ZFHX3: variants seen among roughly 807,000 people sequenced by gnomAD.
ZFHX3 encodes zinc finger homeobox protein 3.
ZFHX3 carries 42 observed loss-of-function variants against 279.1 expected under a neutral mutation model. The observed-to-expected ratio is 0.15, with a 90% CI of 0.12 to 0.19. The LOEUF is 0.19. ZFHX3 is among the 10% of genes least tolerant of loss of function. ZFHX3 has a pLI of 1.00. For synonymous variants in ZFHX3, 2,293 were observed against 1,957.8 expected (o/e 1.17, Z -4.52); for missense variants, 4,981 against 4,754.0 (o/e 1.05, Z -1.40).
intron 2 of ZFHX3, among the ~76,000 whole-genome samples, chr16:73,541,779 T>G (rs1597375180): frequency 7.3e-6 from 1 of 136,852 alleles, no homozygotes; most frequent in Non-Finnish European, 1.6e-5. Context: ...TCCTGTTTGG[T>G]GGTTCTCTTT....
At position 72,793,937 on chromosome 16, in the gene ZFHX3, A is replaced by G. The variant is rs755989988; in HGVS notation, c.8745T>C (p.Ser2915=). 4 of 1,614,188 alleles carry G rather than the reference A, an allele frequency of 2.5e-6. No homozygotes were observed. The highest frequency in any genetic ancestry group is 3.4e-6 in the Non-Finnish European group (4 of 1,180,040). ...EYDNEGTVDY[S]ETSSLADPCS... ...AGGGATCTGCAAGGCTTGAGGTTTC[A>G]CTGTAGTCCACTGTACCTTCATTGT... The change falls in exon 9 of 10, where the codon AGT becomes AGC. Residue 2915 remains serine (S), a synonymous_variant. Coordinates refer to ENST00000268489, the MANE Select transcript of ZFHX3 (RefSeq NM_006885.4). The surrounding 1 kb of genome is among the most constrained non-coding windows in gnomAD (Gnocchi z 4.3).
At chr16:73,847,066 C>G (rs1228613862) in intron 1 of ZFHX3, among the ~76,000 whole-genome samples, 1 of 151,484 alleles carries the variant, frequency 6.6e-6, no homozygotes, top group Non-Finnish European at 1.5e-5. Context: ...TTTTGGGAGG[C>G]TGAGGCAGGA....
At chr16:73,442,379 G>C (rs1409812079) in intron 3 of ZFHX3, among the ~76,000 whole-genome samples, 1 of 148,434 alleles carries the variant, frequency 6.7e-6, no homozygotes, top group Non-Finnish European at 1.5e-5. Context: ...TTTTTTCTGA[G>C]ACAGGGTCTT....
chr16:73,089,327 C>T (rs1012203250), intron 8 of ZFHX3, among the ~76,000 whole-genome samples: 1 of 152,202 alleles, frequency 6.6e-6, no homozygotes, highest in South Asian at 2.1e-4. Flanking sequence ...TGGCCTCAAA[C>T]TCCTGACCTC....
At chr16:73,799,245 C>G (rs1386261080) in intron 1 of ZFHX3, among the ~76,000 whole-genome samples, 2 of 152,198 alleles carry the variant, frequency 1.3e-5, no homozygotes, top group African/African-American at 2.4e-5. Context: ...CTTCAAAGAG[C>G]TGATACAATG....
intron 1 of ZFHX3, among the ~76,000 whole-genome samples, chr16:73,832,413 C>T (rs1443575834): frequency 6.6e-6 from 1 of 152,114 alleles, no homozygotes; most frequent in Non-Finnish European, 1.5e-5. Context: ...GTACAAAGAC[C>T]CGTTCCTTAA....
At chr16:73,763,118 A>T (rs1475936555) in intron 1 of ZFHX3, among the ~76,000 whole-genome samples, 3 of 152,188 alleles carry the variant, frequency 2.0e-5, no homozygotes, top group African/African-American at 7.2e-5. Context: ...TGTGAAAATT[A>T]AGATGTTACG....
At chr16:73,569,959 G>A (rs886291491) in intron 2 of ZFHX3, among the ~76,000 whole-genome samples, 6 of 152,182 alleles carry the variant, frequency 3.9e-5, no homozygotes, top group Admixed American at 2.6e-4. Flanking sequence ...GGCAGAGGGC[G>A]TGAAGTCCTA....
rs1173607728 is a variant in ZFHX3 at position 72,784,586 on chromosome 16, A to ATAAT, written c.*2574_*2577dup. The ATAAT allele has an allele frequency of 6.6e-6, 1 of 151,932 alleles. No homozygotes were observed. The highest frequency in any genetic ancestry group is 1.5e-5 in the Non-Finnish European group (1 of 67,930). 9.4% of individuals were successfully genotyped at this position (151,932 alleles called of 1,614,324 possible). A position where few individuals can be genotyped will look rare whatever the true frequency, so the allele number is the denominator to read the frequency against. ...TTCATAGAGTTACAAACAAGATAAA[A>ATAAT]TAATGGAAAACAAAAAACTGTACAA... On this transcript the variant is annotated 3_prime_UTR_variant, in exon 10 of 10. Transcript: ENST00000268489.
At position 72,798,505 on chromosome 16, in the gene ZFHX3, C is replaced by T. The variant is rs2035991107; in HGVS notation, c.4177G>A (p.Val1393Met). 1.2e-6 allele frequency: 2 copies of T among 1,614,148 alleles called. No individual in the cohort carries two copies. Among genetic ancestry groups the T allele is most frequent in the East Asian group, 2.2e-5 (1 of 44,882 alleles). ...EVHAKRPQLP[V>M]SDRHVYKYRC... ...TACTTGTACACATGGCGATCTGACACCGGCAGCTGAGGCCTCTTGGCATGC... is the reference window on the plus strand; with the variant it reads ...TACTTGTACACATGGCGATCTGACATCGGCAGCTGAGGCCTCTTGGCATGC... The change falls in exon 9 of 10, where the codon GTG becomes ATG. Residue 1393 changes from valine to methionine, a missense_variant. Coordinates refer to ENST00000268489, the MANE Select transcript of ZFHX3 (RefSeq NM_006885.4).
chr16:73,501,583 A>T (rs1597360200), intron 2 of ZFHX3, among the ~76,000 whole-genome samples: 1 of 152,234 alleles, frequency 6.6e-6, no homozygotes, highest in Non-Finnish European at 1.5e-5. Flanking sequence ...CAGATCAGGC[A>T]TCTAAATTAA....
At chr16:73,398,250 G>A (rs1304772134) in intron 3 of ZFHX3, among the ~76,000 whole-genome samples, 1 of 152,194 alleles carries the variant, frequency 6.6e-6, no homozygotes, top group Non-Finnish European at 1.5e-5. Flanking sequence ...CAAATCAACA[G>A]AATTTAAAGC....
chr16:73,536,449 T>C (rs1215175289), intron 2 of ZFHX3, among the ~76,000 whole-genome samples: 1 of 152,218 alleles, frequency 6.6e-6, no homozygotes, highest in East Asian at 1.9e-4. Flanking sequence ...ACTTTCATTA[T>C]TCTTGCTGCA....
intron 1 of ZFHX3, among the ~76,000 whole-genome samples, chr16:72,994,057 G>T (rs1038096691): frequency 1.3e-5 from 2 of 152,162 alleles, no homozygotes; most frequent in Non-Finnish European, 2.9e-5. Flanking sequence ...GCTACAAGCA[G>T]TGGGTCTCCA....
chr16:73,133,005 C>G (rs1966720951), intron 6 of ZFHX3, among the ~76,000 whole-genome samples: 1 of 152,204 alleles, frequency 6.6e-6, no homozygotes, highest in South Asian at 2.1e-4. Flanking sequence ...AGGCCAGCTG[C>G]TCCAGTGATG....
intron 8 of ZFHX3, chr16:73,092,347 T>G (rs1966093858): frequency 6.6e-6 from 1 of 152,294 alleles, no homozygotes; most frequent in South Asian, 2.1e-4. Context: ...AATATCCCAT[T>G]TAAGTTTAAG....
At position 73,177,828 on chromosome 16, in the gene ZFHX3, C is replaced by T. The variant is rs75590174; in HGVS notation, c.-1103-33997G>A. Among the ~76,000 whole-genome samples the T allele has an allele frequency of 2.0e-4, 31 of 152,330 alleles. No homozygotes were observed. The East Asian group carries it at 3.5e-3, about 17-fold the overall frequency. ...TTAGTGGAGGAGACAGACATATGAG[C>T]TCACTTTAATGCAAAGCACTGTTAA... On this transcript the variant is annotated intron_variant, in intron 5 of 17. Transcript: ENST00000641206.
At chr16:73,736,146 C>T (rs894283562) in intron 1 of ZFHX3, among the ~76,000 whole-genome samples, 1 of 152,110 alleles carries the variant, frequency 6.6e-6, no homozygotes, top group African/African-American at 2.4e-5. Flanking sequence ...CAGAAATGGT[C>T]AGAGACAGAT....
chr16:72,957,921 C>T lies in ZFHX3; in HGVS notation c.2225G>A (p.Ser742Asn). The change falls in exon 2 of 10, where the codon AGT becomes AAT. Residue 742 changes from serine (S) to asparagine (N), a missense_variant. Coordinates refer to ENST00000268489, the MANE Select transcript of ZFHX3 (RefSeq NM_006885.4). ...NYSTTTKGNL[S>N]IHMQSDKHLN... ...ATGCTTGTCAGACTGCATATGAATA[C>T]TGAGGTTGCCTTTGGTAGTTGTGGA... is the stretch of plus-strand genomic sequence containing the variant. The T allele has an allele frequency of 6.2e-7, 1 of 1,614,232 alleles. No individual in the cohort carries two copies. The highest frequency in any genetic ancestry group is 8.5e-7 in the Non-Finnish European group (1 of 1,180,048).
Sources: allele counts gnomAD v4.1 joint callset (sites outside exome capture counted in the v4.1 genomes callset), GRCh38; gene constraint gnomAD v4.1.1; non-coding constraint Gnocchi (gnomAD v3.1); transcripts MANE v1.5; gene names NCBI Gene and HGNC (gene_info 2026-07-23, HGNC 2026-07-21).